Variants in ADGRV1 observed in about 807,000 individuals in gnomAD.
ADGRV1 encodes the protein adhesion G protein-coupled receptor V1, also known as G-protein coupled receptor 98.
A neutral mutation model predicts 596.2 loss-of-function variants in ADGRV1; 359 were observed. The ratio of observed to expected loss-of-function variants is 0.60; its 90% CI spans 0.55 to 0.66. The LOEUF is 0.66. Ranked by LOEUF, ADGRV1 falls within the 30% of genes least tolerant of loss-of-function variation. ADGRV1 has a pLI of 0.00. For synonymous variants in ADGRV1, 2,681 were observed against 2,679.2 expected (o/e 1.00, Z -0.02); for missense variants, 7,274 against 7,575.6 (o/e 0.96, Z 1.48).
At chr5:90,828,916 G>GTTTTTTTTTTTTTTT in intron 76 of ADGRV1, 28 bp from the exon 77 acceptor site, 1 of 1,440,848 alleles carries the variant, frequency 6.9e-7, no homozygotes. Context: ...AGTAATAGTT[G>GTTTTTTTTTTTTTTT]TTTTTTTTTC....
chr5:90,745,618 T>C lies in ADGRV1; in HGVS notation c.10797T>C (p.Gly3599=), dbSNP rs1754535352. 6.2e-7 allele frequency: 1 copy of C among 1,611,942 alleles called. No individual in the cohort carries two copies. The highest frequency in any genetic ancestry group is 1.7e-5 in the Admixed American group (1 of 59,970). The change falls in exon 52 of 90, where the codon GGT becomes GGC. Residue 3599 remains glycine, a synonymous_variant. Coordinates refer to ENST00000405460, the MANE Select transcript of ADGRV1 (RefSeq NM_032119.4). ...CAGGTGAACTGATATTTGAACCTGG[T>C]GAGAGAGAAGCTACAATAGCAGTAA... ...PSSGELIFEP[G]EREATIAVNI... is the part of the protein sequence containing the mutation.
intron 39 of ADGRV1, 109 bp from the exon 40 acceptor site, chr5:90,710,872 C>G: frequency 1.5e-6 from 1 of 660,022 alleles, no homozygotes. Flanking sequence ...TTGATAATAC[C>G]TGTACATTAT....
At position 90,558,852 on chromosome 5, in the gene ADGRV1, C is replaced by T. The variant is rs192362302; in HGVS notation, c.-44C>T. On this transcript the variant is annotated 5_prime_UTR_variant, in exon 1 of 90. Coordinates refer to ENST00000405460, the MANE Select transcript of ADGRV1 (RefSeq NM_032119.4). ...GTACGGACGGGAGTCAGAGGCAGAG[C>T]GAGGGTGTGTGGAGGGCCGGCGGGG... 353 of 1,556,276 alleles carry T rather than the reference C, an allele frequency of 2.3e-4. 1 individual carries two copies. The highest frequency in any genetic ancestry group is 2.2e-3 in the Middle Eastern group (13 of 5,962).
intron 66 of ADGRV1, among the ~76,000 whole-genome samples, 191 bp downstream of exon 66, chr5:90,783,516 T>G (rs1759087852): frequency 6.6e-6 from 1 of 152,090 alleles, no homozygotes; most frequent in African/African-American, 2.4e-5. Context: ...ATATGTCACT[T>G]CATTTCAAAT....
At position 90,635,350 on chromosome 5, in the gene ADGRV1, A is replaced by G. The variant is rs1386839203; in HGVS notation, c.2016+60A>G. The G allele has an allele frequency of 9.2e-6, 13 of 1,411,072 alleles. No individual in the cohort carries two copies. In the South Asian group the frequency reaches 1.2e-4, roughly 13 times the overall value. The allele number at this position is 1,411,072 out of a possible 1,614,324, so 87.4% of individuals were successfully genotyped here. On this transcript the variant is annotated intron_variant, in intron 10 of 89. Coordinates refer to ENST00000405460, the MANE Select transcript of ADGRV1 (RefSeq NM_032119.4). ...GAGTATGAAGTAATGTACAGACACT[A>G]TTTTTAAAATAAGATCAGCATATAG...
intron 70 of ADGRV1, among the ~76,000 whole-genome samples, chr5:90,801,778 C>T (rs1272492003): frequency 6.6e-6 from 1 of 152,134 alleles, no homozygotes; most frequent in Non-Finnish European, 1.5e-5. Flanking sequence ...TGTGAGATAA[C>T]TTGGGGGTTA....
intron 1 of ADGRV1, among the ~76,000 whole-genome samples, chr5:90,604,659 T>A (rs1761848239): frequency 6.7e-6 from 1 of 149,686 alleles, no homozygotes; most frequent in African/African-American, 2.4e-5. Flanking sequence ...TTGCTGTTGA[T>A]TTTTTTTTTA....
chr5:91,028,363 A>G (rs2886882), intron 85 of ADGRV1, among the ~76,000 whole-genome samples: 1 of 152,134 alleles, frequency 6.6e-6, no homozygotes, highest in Non-Finnish European at 1.5e-5. Context: ...TGCATTTACC[A>G]ATATCTGCCT....
At chr5:90,622,268 C>T (rs1764185053) in intron 4 of ADGRV1, among the ~76,000 whole-genome samples, 1 of 152,140 alleles carries the variant, frequency 6.6e-6, no homozygotes, top group South Asian at 2.1e-4. Flanking sequence ...TGTTTGTGAC[C>T]TCCTGGGCCC....
At chr5:90,747,523 C>T (rs960036630) in intron 52 of ADGRV1, among the ~76,000 whole-genome samples, 2 of 152,074 alleles carry the variant, frequency 1.3e-5, no homozygotes, top group African/African-American at 4.8e-5. Flanking sequence ...GATTCCCCCT[C>T]CCACCCCCAT....
intron 61 of ADGRV1, among the ~76,000 whole-genome samples, chr5:90,777,125 G>T (rs1483497676): frequency 6.6e-6 from 1 of 152,108 alleles, no homozygotes; most frequent in African/African-American, 2.4e-5. Flanking sequence ...GGAGGCCTCA[G>T]GAAACTTACA....
intron 83 of ADGRV1, among the ~76,000 whole-genome samples, chr5:90,950,559 T>A (rs1375265528): frequency 6.6e-6 from 1 of 152,106 alleles, no homozygotes; most frequent in Non-Finnish European, 1.5e-5. Context: ...TGACCTCAGG[T>A]GATCCACCCA....
chr5:90,777,835 A>C, intron 61 of ADGRV1, 70 bp from the exon 62 acceptor site: 3 of 1,353,042 alleles, frequency 2.2e-6, no homozygotes, highest in Non-Finnish European at 3.0e-6. Context: ...CTGTTAAAAG[A>C]CAGAGAAAAT....
chr5:90,585,447 G>A (rs924431782), intron 1 of ADGRV1, among the ~76,000 whole-genome samples: 8 of 152,196 alleles, frequency 5.3e-5, no homozygotes, highest in Non-Finnish European at 1.0e-4. Flanking sequence ...ATCTATTACT[G>A]AGGGAATTAA....
At chr5:91,022,782 G>C (rs1181120755) in intron 85 of ADGRV1, among the ~76,000 whole-genome samples, 1 of 152,050 alleles carries the variant, frequency 6.6e-6, no homozygotes, top group Non-Finnish European at 1.5e-5. Context: ...ATTACTTGTG[G>C]GGAAACAATT....
intron 84 of ADGRV1, among the ~76,000 whole-genome samples, chr5:90,966,767 G>T (rs552177904): frequency 4.9e-4 from 75 of 152,198 alleles, no homozygotes; most frequent in African/African-American, 1.7e-3. Context: ...ATGCTGATTT[G>T]GTCGATAAAG....
chr5:90,799,694 GT>G (rs2150174440), intron 70 of ADGRV1, among the ~76,000 whole-genome samples: 1 of 152,298 alleles, frequency 6.6e-6, no homozygotes, highest in African/African-American at 2.4e-5. Context: ...CAAGCCTACA[GT>G]AATCAAAACA....
chr5:90,988,871 A>G (rs987723285), intron 85 of ADGRV1, among the ~76,000 whole-genome samples: 1 of 139,910 alleles, frequency 7.1e-6, no homozygotes, highest in African/African-American at 2.7e-5. Flanking sequence ...ATTCCCACCT[A>G]TGAGTAAGAA....
Position 90,635,173 on chromosome 5 carries a change from T to TG in ADGRV1, c.1903dup (p.Glu635GlyfsTer30), listed in dbSNP as rs2149401562. ...TAATCCCACCCATAAGCCCTAGATTTGGGGAAATCTGCAATATTTCTTTAC... is the reference window on the plus strand; with the variant it reads ...TAATCCCACCCATAAGCCCTAGATTTGGGGGAAATCTGCAATATTTCTTTAC... On this transcript the variant is annotated frameshift_variant, in exon 10 of 90. Transcript: ENST00000405460. LOFTEE classifies it high-confidence loss of function. 3.7e-6 allele frequency: 6 copies of TG among 1,611,724 alleles called. No homozygotes were observed. Among genetic ancestry groups the TG allele is most frequent in the Non-Finnish European group, 5.1e-6 (6 of 1,177,950 alleles).
Sources: gnomAD v4.1 joint callset for allele counts (sites outside exome capture counted in the v4.1 genomes callset) on GRCh38, gnomAD v4.1.1 for gene constraint, MANE v1.5 for transcripts, NCBI Gene and HGNC (gene_info 2026-07-23, HGNC 2026-07-21) for gene names.